ERC2: variants seen among roughly 807,000 people sequenced by gnomAD.
ERC2 encodes ERC protein 2.
A neutral mutation model predicts 114.8 loss-of-function variants in ERC2; 42 were observed. That is an observed-to-expected ratio of 0.37 (90% CI 0.29 to 0.47). The LOEUF is 0.47. ERC2 is among the 20% of genes least tolerant of loss of function. The pLI is 0.99. For synonymous variants in ERC2, 454 were observed against 425.5 expected, an observed-to-expected ratio of 1.07 and a Z score of -0.82; for missense variants, 939 against 1,150.7, an observed-to-expected ratio of 0.82 and a Z score of 2.66.
At chr3:56,084,014 G>GA (rs35092672) in intron 6 of ERC2, among the ~76,000 whole-genome samples, 12 of 147,460 alleles carry the variant, frequency 8.1e-5, no homozygotes, top group East Asian at 2.0e-4. Flanking sequence ...TGAATGGAAA[G>GA]AAAAAAAAAG....
intron 13 of ERC2, among the ~76,000 whole-genome samples, chr3:55,908,357 T>A (rs2149358450): frequency 6.6e-6 from 1 of 152,216 alleles, no homozygotes; most frequent in Admixed American, 6.5e-5. Context: ...GACTAGAGTT[T>A]TGTCAAGCAG....
At position 55,605,378 on chromosome 3, in the gene ERC2, C is replaced by G. The variant is rs2058599402; in HGVS notation, c.*39+78416G>C. ...CCCCAGTCACTGGGATTACAGACAT[C>G]AGCCACCATGACTGGTGAAAATATT... On this transcript the variant is annotated intron_variant, in intron 17 of 17. Transcript: ENST00000288221. Among the ~76,000 whole-genome samples the G allele has an allele frequency of 2.0e-5, 3 of 152,336 alleles. No homozygotes were observed. In the South Asian group the frequency reaches 6.2e-4, roughly 32 times the overall value.
At chr3:55,837,227 C>T (rs923800177) in intron 14 of ERC2, among the ~76,000 whole-genome samples, 3 of 152,122 alleles carry the variant, frequency 2.0e-5, no homozygotes, top group Non-Finnish European at 4.4e-5. Flanking sequence ...ATAGAAATAC[C>T]ATTTGATCCA....
chr3:55,969,172 C>T (rs1160184162), intron 12 of ERC2, among the ~76,000 whole-genome samples: 1 of 152,136 alleles, frequency 6.6e-6, no homozygotes, highest in Non-Finnish European at 1.5e-5. Context: ...CAATCACTTC[C>T]AAACAACTCT....
At chr3:56,018,396 G>A (rs778215133) in intron 8 of ERC2, among the ~76,000 whole-genome samples, 4 of 152,180 alleles carry the variant, frequency 2.6e-5, no homozygotes, top group Non-Finnish European at 5.9e-5. Flanking sequence ...AGCAGAGAGT[G>A]AGGAATATCC....
At chr3:55,647,989 G>A (rs2060465757) in intron 17 of ERC2, among the ~76,000 whole-genome samples, 1 of 152,164 alleles carries the variant, frequency 6.6e-6, no homozygotes, top group Non-Finnish European at 1.5e-5. Context: ...CCCCGCAATA[G>A]GGTAGTGCCC....
At chr3:56,447,749 A>AT (rs964379149) in intron 1 of ERC2, among the ~76,000 whole-genome samples, 92 of 148,044 alleles carry the variant, frequency 6.2e-4, no homozygotes, top group South Asian at 3.0e-3. Flanking sequence ...ACGTTAATTG[A>AT]TTTTTTTTTT....
chr3:56,436,652 T>C (rs898667682), intron 1 of ERC2, among the ~76,000 whole-genome samples: 4 of 152,130 alleles, frequency 2.6e-5, no homozygotes, highest in Non-Finnish European at 4.4e-5. Context: ...CCAACCACCA[T>C]ATTGTATCCT....
At chr3:56,064,466 T>A (rs551984407) in intron 7 of ERC2, among the ~76,000 whole-genome samples, 1 of 152,286 alleles carries the variant, frequency 6.6e-6, no homozygotes, top group South Asian at 2.1e-4. Context: ...GAAAGAAATA[T>A]CTCCACTCCA....
intron 17 of ERC2, chr3:55,612,728 T>C (rs944724113): frequency 8.5e-5 from 13 of 152,166 alleles, no homozygotes; most frequent in African/African-American, 3.1e-4. Context: ...ACCATCAAGG[T>C]CATCCATGGT....
At chr3:56,294,061 T>A (rs930406881) in intron 3 of ERC2, among the ~76,000 whole-genome samples, 5 of 152,336 alleles carry the variant, frequency 3.3e-5, no homozygotes, top group Admixed American at 2.0e-4. Flanking sequence ...TGATCCTCTA[T>A]CAACTGCAGT....
chr3:56,052,796 T>C (rs2075831960), intron 7 of ERC2, among the ~76,000 whole-genome samples: 1 of 152,186 alleles, frequency 6.6e-6, no homozygotes. Context: ...TATGAACCAC[T>C]ATTAGTAGTA....
chr3:56,141,483 C>A (rs971711959), intron 5 of ERC2, among the ~76,000 whole-genome samples: 1 of 152,166 alleles, frequency 6.6e-6, no homozygotes, highest in Non-Finnish European at 1.5e-5. Context: ...ACAGGCCATG[C>A]AGAAAGACAG....
rs189171053 is a variant in ERC2, at chr3:56,067,422, T to G, written c.1641+13395A>C. ...TTGTATCCTGAGACTTTGCTGAAGT[T>G]GCTTATCACCTTAAGGAGCTTTTGA... On this transcript the variant is annotated intron_variant, in intron 7 of 17. Transcript: ENST00000288221. Among the ~76,000 whole-genome samples, 253 of 152,352 alleles carry G rather than the reference T, an allele frequency of 1.7e-3. 1 individual carries two copies. The highest frequency in any genetic ancestry group is 6.8e-3 in the Middle Eastern group (2 of 294).
At chr3:56,017,380 G>T (rs754277112) in intron 8 of ERC2, among the ~76,000 whole-genome samples, 1 of 152,082 alleles carries the variant, frequency 6.6e-6, no homozygotes, top group African/African-American at 2.4e-5. Flanking sequence ...TTGCCTAAAG[G>T]ATTTTATTCA....
At chr3:55,741,991 T>C (rs2065988451) in intron 14 of ERC2, among the ~76,000 whole-genome samples, 2 of 151,866 alleles carry the variant, frequency 1.3e-5, no homozygotes, top group African/African-American at 4.8e-5. Context: ...TGGATAAAAA[T>C]ATGTGCAAGA....
At chr3:56,142,305 T>A (rs1440109316) in intron 5 of ERC2, among the ~76,000 whole-genome samples, 1 of 152,184 alleles carries the variant, frequency 6.6e-6, no homozygotes, top group African/African-American at 2.4e-5. Flanking sequence ...TTAACCTCTC[T>A]TTTTTCAAGT....
intron 2 of ERC2, among the ~76,000 whole-genome samples, chr3:56,407,274 A>C (rs906875945): frequency 6.6e-6 from 1 of 152,162 alleles, no homozygotes; most frequent in Non-Finnish European, 1.5e-5. Flanking sequence ...CTGCAGATGG[A>C]TTCACAGGAG....
At chr3:55,863,669 G>T (rs1462512926) in intron 14 of ERC2, among the ~76,000 whole-genome samples, 1 of 151,926 alleles carries the variant, frequency 6.6e-6, no homozygotes, top group Non-Finnish European at 1.5e-5. Context: ...CTGTCAAATA[G>T]AAATACAGCA....
Sources: allele counts gnomAD v4.1 joint callset (sites outside exome capture counted in the v4.1 genomes callset), GRCh38; gene constraint gnomAD v4.1.1; transcripts MANE v1.5; gene names NCBI Gene and HGNC (gene_info 2026-07-23, HGNC 2026-07-21).